FNIP1: variants seen among roughly 807,000 people sequenced by gnomAD.
The protein encoded by FNIP1 is folliculin-interacting protein 1.
In FNIP1, 40 loss-of-function variants were observed where a neutral mutation model predicts 124.5. That is an observed-to-expected ratio of 0.32 (90% confidence interval 0.25 to 0.42). The LOEUF (loss-of-function observed/expected upper bound fraction) is 0.42, where lower values mean the gene tolerates loss of function less well. Among genes scored for constraint, FNIP1 ranks in the 10% least tolerant of loss-of-function variants. The pLI is 1.00. For synonymous variants in FNIP1, 472 were observed against 470.6 expected, an observed-to-expected ratio of 1.00 and a Z score of -0.04; for missense variants, 1,176 against 1,403.7, an observed-to-expected ratio of 0.84 and a Z score of 2.59.
intron 15 of FNIP1, among the ~76,000 whole-genome samples, chr5:131,654,119 C>T (rs1433374380): frequency 1.3e-5 from 2 of 152,180 alleles, no homozygotes; most frequent in African/African-American, 2.4e-5. Flanking sequence ...TATTTTGACT[C>T]ATATATACAT....
rs59097834 is a variant in FNIP1 at position 131,657,736 on chromosome 5, C to CAAAAAAAAAAAAAA, written c.3109-5751_3109-5738dup. On this transcript the variant is annotated intron_variant, in intron 15 of 17. Transcript: ENST00000510461. The stretch of plus-strand genomic sequence containing the variant: ...ATGATGAAAGAGCTTGAAAATAAGG[C>CAAAAAAAAAAAAAA]AAAAAAAAAAAAAAAAAAAAAACGG... Among the ~76,000 whole-genome samples the CAAAAAAAAAAAAAA allele has an allele frequency of 2.3e-4, 15 of 65,046 alleles. 2 individuals are homozygous for CAAAAAAAAAAAAAA. The highest frequency in any genetic ancestry group is 5.0e-4 in the African/African-American group (8 of 16,150). The allele number at this position is 65,046 out of a possible 152,430, so 42.7% of individuals were successfully genotyped here.
intron 2 of FNIP1, among the ~76,000 whole-genome samples, chr5:131,738,695 G>A (rs1028533216): frequency 6.6e-6 from 1 of 151,776 alleles, no homozygotes; most frequent in Admixed American, 6.6e-5. Flanking sequence ...TAGTAGAGAC[G>A]GGGTTTCACC....
intron 1 of FNIP1, among the ~76,000 whole-genome samples, chr5:131,761,222 T>A (rs983008954): frequency 2.0e-5 from 3 of 152,134 alleles, no homozygotes; most frequent in African/African-American, 7.2e-5. Context: ...TACAAAGAAA[T>A]AGCATTCATC....
At chr5:131,772,788 T>A (rs1462750689) in intron 1 of FNIP1, among the ~76,000 whole-genome samples, 1 of 152,152 alleles carries the variant, frequency 6.6e-6, no homozygotes, top group Non-Finnish European at 1.5e-5. Flanking sequence ...GACCCTGCCC[T>A]CTCTAACCTG....
chr5:131,722,077 T>C (rs1288156935), intron 3 of FNIP1, among the ~76,000 whole-genome samples: 1 of 152,206 alleles, frequency 6.6e-6, no homozygotes, highest in Non-Finnish European at 1.5e-5. Flanking sequence ...TTTAGAATAA[T>C]TTTTATACTT....
intron 13 of FNIP1, 124 bp from the exon 14 acceptor site, chr5:131,673,048 TTTG>T (rs1767812806): frequency 1.4e-6 from 1 of 694,772 alleles, no homozygotes. Flanking sequence ...TACTCGTTTT[TTTG>T]TTTTTTTTTT....
intron 1 of FNIP1, among the ~76,000 whole-genome samples, chr5:131,762,488 T>A (rs1298840537): frequency 2.6e-5 from 4 of 152,156 alleles, no homozygotes; most frequent in African/African-American, 4.8e-5. Context: ...CAAACAGGTA[T>A]ATGAAAAGGT....
chr5:131,652,058 G>A (rs1767055036), intron 15 of FNIP1, 59 bp from the exon 16 acceptor site: 1 of 1,497,070 alleles, frequency 6.7e-7, no homozygotes, highest in Admixed American at 2.0e-5. Flanking sequence ...AAAGATAATG[G>A]TAATTCAGCA....
In FNIP1 at chr5:131,796,954, G is replaced by A; in HGVS notation, c.-33C>T. ...ACGGCCAGGCAGGGGTCGCTCCGCT[G>A]GGCGCTTGCTAGGCCCCTGCTCCTA... On this transcript the variant is annotated 5_prime_UTR_variant, in exon 1 of 18. Transcript: ENST00000510461. 6.4e-7 allele frequency: 1 copy of A among 1,566,306 alleles called. No homozygotes were observed. The highest frequency in any genetic ancestry group is 8.7e-7 in the Non-Finnish European group (1 of 1,154,354).
chr5:131,644,660 C>T lies in FNIP1; in HGVS notation c.*25G>A. ...CCTTGGTTTCTACCTATTTTCCCAC[C>T]AATTTCTAACAATTTTTAGGTATAT... On this transcript the variant is annotated 3_prime_UTR_variant, in exon 18 of 18. Coordinates refer to ENST00000510461, the MANE Select transcript of FNIP1 (RefSeq NM_133372.3). 6.2e-7 allele frequency: 1 copy of T among 1,602,446 alleles called. No homozygotes were observed. The highest frequency in any genetic ancestry group is 2.2e-5 in the East Asian group (1 of 44,774).
At chr5:131,730,622 T>TA (rs537392806) in intron 3 of FNIP1, among the ~76,000 whole-genome samples, 1 of 152,128 alleles carries the variant, frequency 6.6e-6, no homozygotes, top group Non-Finnish European at 1.5e-5. Context: ...TTTTCAATAA[T>TA]AAAAAAGTAT....
chr5:131,796,610 G>A, intron 1 of FNIP1: 1 of 565,030 alleles, frequency 1.8e-6, no homozygotes, highest in South Asian at 2.2e-5. Context: ...CGGGAGGAGG[G>A]GGAAGGGGCA....
At chr5:131,708,648 T>C (rs1318564636) in intron 8 of FNIP1, among the ~76,000 whole-genome samples, 1 of 152,134 alleles carries the variant, frequency 6.6e-6, no homozygotes, top group Non-Finnish European at 1.5e-5. Flanking sequence ...CTATGACAGA[T>C]GATTTTCCTA....
intron 1 of FNIP1, among the ~76,000 whole-genome samples, chr5:131,757,978 T>C (rs975948181): frequency 6.6e-5 from 10 of 152,170 alleles, no homozygotes; most frequent in Admixed American, 4.6e-4. Flanking sequence ...TTCTGCAGAG[T>C]ATGTCCCTGA....
chr5:131,662,956 T>C (rs1211289891), intron 15 of FNIP1, among the ~76,000 whole-genome samples: 1 of 152,212 alleles, frequency 6.6e-6, no homozygotes, highest in East Asian at 1.9e-4. Flanking sequence ...TTGGTAAGGC[T>C]GGTCTTGAAC....
intron 11 of FNIP1, among the ~76,000 whole-genome samples, chr5:131,686,561 T>G (rs1315841876): frequency 6.6e-6 from 1 of 152,200 alleles, no homozygotes; most frequent in Non-Finnish European, 1.5e-5. Flanking sequence ...TGATTTTAAA[T>G]TTTGTGGGTA....
intron 2 of FNIP1, among the ~76,000 whole-genome samples, chr5:131,741,919 G>A (rs1162248321): frequency 6.6e-6 from 1 of 152,172 alleles, no homozygotes; most frequent in Non-Finnish European, 1.5e-5. Context: ...GATTCAGGCT[G>A]ATAACAAACT....
At chr5:131,694,253 A>G (rs1768614224) in intron 11 of FNIP1, among the ~76,000 whole-genome samples, 1 of 152,246 alleles carries the variant, frequency 6.6e-6, no homozygotes, top group South Asian at 2.1e-4. Context: ...ACATGTCCAC[A>G]TAAAACCCCA....
At chr5:131,675,900 C>T (rs1463078027) in intron 13 of FNIP1, among the ~76,000 whole-genome samples, 3 of 152,190 alleles carry the variant, frequency 2.0e-5, no homozygotes, top group South Asian at 4.1e-4. Context: ...CGCTCTGTCA[C>T]CCAGGCTACG....
Sources: gnomAD v4.1 joint callset for allele counts (sites outside exome capture counted in the v4.1 genomes callset) on GRCh38, gnomAD v4.1.1 for gene constraint, MANE v1.5 for transcripts, NCBI Gene and HGNC (gene_info 2026-07-23, HGNC 2026-07-21) for gene names.